The following IRX1 variants were observed in gnomAD, a reference collection of about 807,000 sequenced individuals.
IRX1 encodes the protein iroquois-class homeodomain protein IRX-1.
In IRX1, 22 loss-of-function variants were observed where a neutral mutation model predicts 34.1. That is an observed-to-expected ratio of 0.64 (90% confidence interval 0.46 to 0.92). IRX1 has a LOEUF of 0.92. Ranked by LOEUF, IRX1 falls within the 40% of genes least tolerant of loss-of-function variation. The pLI is 0.00. For missense variants in IRX1, 758 were observed against 680.0 expected, an observed-to-expected ratio of 1.11 and a Z score of -1.28; for synonymous variants, 363 against 319.0, an observed-to-expected ratio of 1.14 and a Z score of -1.47.
intron 3 of IRX1, 103 bp downstream of exon 3, chr5:3,600,784 C>T (rs946097581): frequency 8.2e-7 from 1 of 1,225,106 alleles, no homozygotes. Context: ...GGGGGTCGCG[C>T]AGTCCTAGTT....
intron 1 of IRX1, 98 bp downstream of exon 1, chr5:3,596,479 G>C: frequency 8.3e-7 from 1 of 1,208,690 alleles, no homozygotes; most frequent in African/African-American, 1.6e-5. Flanking sequence ...GGTGGACCTG[G>C]TCCGGAAGAG....
intron 1 of IRX1, among the ~76,000 whole-genome samples, chr5:3,596,645 GA>G (rs1743704758): frequency 1.3e-5 from 2 of 152,154 alleles, no homozygotes; most frequent in Admixed American, 1.3e-4. Context: ...TGAATTCAGA[GA>G]GGCCGCAGAA....
At position 3,601,080 on chromosome 5, in the gene IRX1, G is replaced by A. The variant is rs760986478; in HGVS notation, c.*40G>A. The A allele has an allele frequency of 6.6e-7, 1 of 1,524,020 alleles. No homozygotes were observed. Among genetic ancestry groups the A allele is most frequent in the Non-Finnish European group, 9.1e-7 (1 of 1,099,302 alleles). 94.4% of individuals were successfully genotyped at this position (1,524,020 alleles called of 1,614,324 possible). A position where few individuals can be genotyped will look rare whatever the true frequency, so the allele number is the denominator to read the frequency against. On this transcript the variant is annotated 3_prime_UTR_variant, in exon 4 of 4. Coordinates refer to ENST00000302006, the MANE Select transcript of IRX1 (RefSeq NM_024337.4). ...TTACTTTTGCGGGGGGGAGGGGGGAGGAGTTGGGGAGGGAGGGAATGTGGG... is the reference window on the plus strand; with the variant it reads ...TTACTTTTGCGGGGGGGAGGGGGGAAGAGTTGGGGAGGGAGGGAATGTGGG...
Position 3,596,072 on chromosome 5 carries a change from C to A in IRX1, c.-34C>A. On this transcript the variant is annotated 5_prime_UTR_variant, in exon 1 of 4. Transcript: ENST00000302006. ...CGCCTCCCTCCCCGCGCCTTTAATACTCGCCCGCTGCGGCGGTCGCCGAGT... is the reference window on the plus strand; with the variant it reads ...CGCCTCCCTCCCCGCGCCTTTAATAATCGCCCGCTGCGGCGGTCGCCGAGT... 9.5e-7 allele frequency: 1 copy of A among 1,057,300 alleles called. No homozygotes were observed. Among genetic ancestry groups the A allele is most frequent in the Non-Finnish European group, 1.1e-6 (1 of 875,822 alleles). The allele number at this position is 1,057,300 out of a possible 1,614,324, so 65.5% of individuals were successfully genotyped here. A position where few individuals can be genotyped will look rare whatever the true frequency, so the allele number is the denominator to read the frequency against.
At chr5:3,596,442 C>A in intron 1 of IRX1, 61 bp downstream of exon 1, 2 of 1,360,078 alleles carry the variant, frequency 1.5e-6, no homozygotes, top group Non-Finnish European at 1.9e-6. Context: ...GCAAGGGTGG[C>A]GGGTCGCCCG....
Position 3,600,991 on chromosome 5 carries a change from C to G in IRX1, c.1394C>G (p.Ala465Gly), listed in dbSNP as rs556786478. The G allele has an allele frequency of 6.2e-6, 10 of 1,613,664 alleles. No homozygotes were observed. The East Asian group carries it at 1.3e-4, about 22-fold the overall frequency. Residue 465 changes from alanine to glycine, a missense_variant, in exon 4 of 4, where the codon GCC becomes GGC. Ala to Gly is a moderately conservative substitution (Grantham distance 60). This residue lies in a region of IRX1 where 529 missense variants were observed against 418.8 expected (regional missense o/e 1.26). Transcript: ENST00000302006. ...PFQPVRDNSLAPQEGTPRILA... is the reference protein window; with the variant it reads ...PFQPVRDNSLGPQEGTPRILA... ...CTGTGTTTCCCATGCAGCTCTCTGG[C>G]CCCGCAGGAGGGAACGCCGCGGATC...
chr5:3,598,882 G>A (rs1259906507), intron 1 of IRX1, among the ~76,000 whole-genome samples: 1 of 152,194 alleles, frequency 6.6e-6, no homozygotes, highest in Admixed American at 6.5e-5. Flanking sequence ...GGGTCGCCTA[G>A]GGAACTTGCA....
At position 3,601,335 on chromosome 5, in the gene IRX1, T is replaced by C. The variant is rs1483566064; in HGVS notation, c.*295T>C. Reference sequence around the variant, plus strand: ...TTTCTGTATATAGAGTGGTTTCAGATTGTAAATAGCGCGTCAGCGAACTTG... The same window carrying C: ...TTTCTGTATATAGAGTGGTTTCAGACTGTAAATAGCGCGTCAGCGAACTTG... On this transcript the variant is annotated 3_prime_UTR_variant, in exon 4 of 4. Coordinates refer to ENST00000302006, the MANE Select transcript of IRX1 (RefSeq NM_024337.4). The C allele has an allele frequency of 1.5e-5, 7 of 460,334 alleles. No individual in the cohort carries two copies. The East Asian group carries it at 2.0e-4, about 13-fold the overall frequency. The allele number at this position is 460,334 out of a possible 1,614,324, so 28.5% of individuals were successfully genotyped here. A position where few individuals can be genotyped will look rare whatever the true frequency, so the allele number is the denominator to read the frequency against.
rs1314834289 is a variant in IRX1, at chr5:3,599,407, C to G, written c.459C>G (p.Pro153=). 6.2e-7 allele frequency: 1 copy of G among 1,614,150 alleles called. No homozygotes were observed. Among genetic ancestry groups the G allele is most frequent in the Non-Finnish European group, 8.5e-7 (1 of 1,180,038 alleles). The change falls in exon 2 of 4, where the codon CCC becomes CCG. Residue 153 remains proline (P), a synonymous_variant. Coordinates refer to ENST00000302006, the MANE Select transcript of IRX1 (RefSeq NM_024337.4). The surrounding 1 kb of genome is among the most constrained non-coding windows in gnomAD (Gnocchi z 6.6). ...KAWLNEHRKN[P]YPTKGEKIML... ...GGCTCAACGAGCACCGCAAGAATCC[C>G]TACCCCACCAAGGGCGAGAAGATCA... is the stretch of plus-strand genomic sequence containing the variant.
At chr5:3,600,316 T>C in intron 2 of IRX1, 56 bp downstream of exon 2, 1 of 1,443,576 alleles carries the variant, frequency 6.9e-7, no homozygotes, top group Non-Finnish European at 9.2e-7. Flanking sequence ...GAGGCCTGGC[T>C]AGGTGTGGTA....
rs1472896612 is a variant in IRX1, at chr5:3,596,233, C to G, written c.128C>G (p.Pro43Arg). ...AAAAAASSGR[P>R]GAAELGGGAG... is the part of the protein sequence containing the mutation. ...GCTGCCGCCGCCTCGTCGGGCCGAC[C>G]GGGGGCCGCGGAGCTGGGCGGCGGG... The change falls in exon 1 of 4, where the codon CCG (proline) becomes CGG (arginine). Residue 43 changes from proline (P) to arginine (R), a missense_variant. Pro to Arg is a moderately radical substitution (Grantham distance 103). This residue lies in a region of IRX1 where 195 missense variants were observed against 195.0 expected (regional missense o/e 1.00). Transcript: ENST00000302006. 2 of 1,156,000 alleles carry G rather than the reference C, an allele frequency of 1.7e-6. No individual in the cohort carries two copies. The highest frequency in any genetic ancestry group is 2.1e-6 in the Non-Finnish European group (2 of 939,750). 71.6% of individuals were successfully genotyped at this position (1,156,000 alleles called of 1,614,324 possible).
chr5:3,600,739 G>A, intron 3 of IRX1, 58 bp downstream of exon 3: 3 of 1,503,836 alleles, frequency 2.0e-6, no homozygotes, highest in Admixed American at 3.3e-5. Context: ...GAGGAGGAGT[G>A]GTCGGGACCC....
At chr5:3,596,806 C>T (rs1463152790) in intron 1 of IRX1, among the ~76,000 whole-genome samples, 1 of 152,112 alleles carries the variant, frequency 6.6e-6, no homozygotes, top group African/African-American at 2.4e-5. Context: ...TCCACTCGCG[C>T]GGCCTCTTTA....
chr5:3,600,676 C>A lies in IRX1; in HGVS notation c.1380C>A (p.Arg460=), dbSNP rs750547553. ...TAAAGTCGCCCTTCCAGCCGGTACG[C>A]GACAAGTGAGTGCTGTTTGCTTTTG... The part of the protein sequence containing the change: ...QQLKSPFQPV[R]DNSLAPQEGT... Residue 460 remains arginine (R), a synonymous_variant, in exon 3 of 4, where the codon CGC becomes CGA. Transcript: ENST00000302006. The A allele has an allele frequency of 1.9e-6, 3 of 1,613,256 alleles. No individual in the cohort carries two copies. In the Admixed American group the frequency reaches 5.0e-5, roughly 27 times the overall value.
Position 3,599,134 on chromosome 5 carries a change from C to T in IRX1, c.277-91C>T. The T allele has an allele frequency of 6.0e-6, 8 of 1,343,224 alleles. No individual in the cohort carries two copies. Among genetic ancestry groups the T allele is most frequent in the Non-Finnish European group, 7.1e-6 (7 of 990,630 alleles). 83.2% of individuals were successfully genotyped at this position (1,343,224 alleles called of 1,614,324 possible). ...TTGAAGCGGCTGCTTCCCACTCTCC[C>T]GTCTTGGGGACTCATGTCTCTCTCT... On this transcript the variant is annotated intron_variant, in intron 1 of 3. Transcript: ENST00000302006. The surrounding 1 kb of genome is among the most constrained non-coding windows in gnomAD (Gnocchi z 6.6).
Position 3,599,156 on chromosome 5 carries a change from C to T in IRX1, c.277-69C>T, listed in dbSNP as rs1221139075. The T allele has an allele frequency of 6.8e-7, 1 of 1,460,792 alleles. No individual in the cohort carries two copies. The highest frequency in any genetic ancestry group is 9.3e-7 in the Non-Finnish European group (1 of 1,076,884). The allele number at this position is 1,460,792 out of a possible 1,614,324, so 90.5% of individuals were successfully genotyped here. The stretch of plus-strand genomic sequence containing the variant: ...TCCCGTCTTGGGGACTCATGTCTCT[C>T]TCTCTCTCTCCCTTTCTCTCTCCAC... On this transcript the variant is annotated intron_variant, in intron 1 of 3. Transcript: ENST00000302006. The surrounding 1 kb of genome is among the most constrained non-coding windows in gnomAD (Gnocchi z 6.6).
rs558235213 is a variant in IRX1 at position 3,596,451 on chromosome 5, C to A, written c.276+70C>A. The stretch of plus-strand genomic sequence containing the variant: ...GCCAGGGCAAGGGTGGCGGGTCGCC[C>A]GGGAGGGAGAGACTACGGGTGGACC... On this transcript the variant is annotated intron_variant, in intron 1 of 3. Coordinates refer to ENST00000302006, the MANE Select transcript of IRX1 (RefSeq NM_024337.4). 4.5e-6 allele frequency: 6 copies of A among 1,346,750 alleles called. No homozygotes were observed. In the South Asian group the frequency reaches 8.6e-5, roughly 19 times the overall value. The allele number at this position is 1,346,750 out of a possible 1,614,324, so 83.4% of individuals were successfully genotyped here. A position where few individuals can be genotyped will look rare whatever the true frequency, so the allele number is the denominator to read the frequency against.
chr5:3,601,021 C>T lies in IRX1; in HGVS notation c.1424C>T (p.Ala475Val). The T allele has an allele frequency of 1.2e-6, 2 of 1,611,682 alleles. No homozygotes were observed. Among genetic ancestry groups the T allele is most frequent in the Non-Finnish European group, 1.7e-6 (2 of 1,179,360 alleles). The change falls in exon 4 of 4, where the codon GCA becomes GTA. Residue 475 changes from alanine (A) to valine (V), a missense_variant. Around this residue, in one of 3 missense-constraint regions of IRX1, gnomAD observed 529 missense variants for 418.8 expected, o/e 1.26. Transcript: ENST00000302006. ...APQEGTPRIL[A>V]ALPSA ...CAGGAGGGAACGCCGCGGATCCTAG[C>T]AGCCCTCCCGTCCGCCTGATTAAGG...
rs1315827594 is a variant in IRX1, at chr5:3,599,752, G to T, written c.804G>T (p.Pro268=). ...CTCTTGCCCGGGACCAAGGCTCGCC[G>T]CTGGCAGCAGCCGACGTTCTCAAGC... ...PSALARDQGS[P]LAAADVLKPQ... Residue 268 remains proline, a synonymous_variant, in exon 2 of 4, where the codon CCG becomes CCT. Coordinates refer to ENST00000302006, the MANE Select transcript of IRX1 (RefSeq NM_024337.4). This position sits in a 1 kb window ranked among gnomAD's most constrained non-coding sequence, Gnocchi z 6.6. The T allele has an allele frequency of 2.5e-6, 4 of 1,609,918 alleles. No individual in the cohort carries two copies. The highest frequency in any genetic ancestry group is 3.4e-6 in the Non-Finnish European group (4 of 1,179,104).
Sources: allele counts gnomAD v4.1 joint callset (sites outside exome capture counted in the v4.1 genomes callset), GRCh38; gene constraint gnomAD v4.1.1; regional missense constraint gnomAD v4.1.1; non-coding constraint Gnocchi (gnomAD v3.1); transcripts MANE v1.5; gene names NCBI Gene and HGNC (gene_info 2026-07-23, HGNC 2026-07-21).